The following RGPD8 variants were observed in gnomAD, a reference collection of about 807,000 sequenced individuals.
RGPD8 encodes RANBP2 like and GRIP domain containing 8.
Under a neutral mutation model 89.1 loss-of-function variants are expected in RGPD8, and 15 were observed. The ratio of observed to expected loss-of-function variants is 0.17; its 90% CI spans 0.11 to 0.26. The LOEUF is 0.26. Ranked by LOEUF, RGPD8 falls within the 10% of genes least tolerant of loss-of-function variation. RGPD8 has a pLI of 1.00. For missense variants in RGPD8, 178 were observed against 1,179.6 expected (o/e 0.15, Z 12.44); for synonymous variants, 62 against 420.9 (o/e 0.15, Z 10.44).
At chr2:112,415,685 G>C (rs1336724139) in intron 6 of RGPD8, among the ~76,000 whole-genome samples, 1 of 149,628 alleles carries the variant, frequency 6.7e-6, no homozygotes, top group African/African-American at 2.5e-5. Flanking sequence ...TGTACTCCAG[G>C]CTGGGTGACA....
intron 6 of RGPD8, among the ~76,000 whole-genome samples, chr2:112,416,081 T>C (rs1679396014): frequency 1.0e-5 from 1 of 99,206 alleles, no homozygotes. Flanking sequence ...AGAGCAAGAC[T>C]CCATCTCAAA....
intron 20 of RGPD8, among the ~76,000 whole-genome samples, chr2:112,381,989 G>C (rs557902323): frequency 6.6e-6 from 1 of 152,422 alleles, no homozygotes; most frequent in African/African-American, 2.4e-5. Context: ...ATTTGAGTCA[G>C]TGGGCTGGGG....
chr2:112,422,718 A>G, intron 2 of RGPD8, 59 bp from the exon 3 acceptor site: 1 of 604,028 alleles, frequency 1.7e-6, no homozygotes, highest in Non-Finnish European at 2.8e-6. Flanking sequence ...TTTAAATGCT[A>G]ACCGAAGAAT....
At chr2:112,428,689 A>G (rs1293911784) in intron 1 of RGPD8, among the ~76,000 whole-genome samples, 17 of 152,106 alleles carry the variant, frequency 1.1e-4, no homozygotes, top group Admixed American at 6.6e-4. Flanking sequence ...AGGGTATTCC[A>G]GGTAGACAGA....
At chr2:112,427,360 T>C (rs946849019) in intron 1 of RGPD8, among the ~76,000 whole-genome samples, 3 of 152,216 alleles carry the variant, frequency 2.0e-5, no homozygotes, top group African/African-American at 7.2e-5. Context: ...GACAAATGCC[T>C]TGTTTAAAGA....
At chr2:112,408,709 G>C (rs1157586881) in intron 7 of RGPD8, among the ~76,000 whole-genome samples, 2 of 150,198 alleles carry the variant, frequency 1.3e-5, no homozygotes, top group Non-Finnish European at 3.0e-5. Flanking sequence ...TCGCTCTGTC[G>C]CCAGGCTGGA....
chr2:112,379,596 A>C (rs1678211896), intron 21 of RGPD8, among the ~76,000 whole-genome samples: 1 of 118,930 alleles, frequency 8.4e-6, no homozygotes, highest in Non-Finnish European at 1.9e-5. Flanking sequence ...CTATCTCAAA[A>C]AAAAAAAACA....
At chr2:112,425,895 G>C (rs1219111497) in intron 1 of RGPD8, among the ~76,000 whole-genome samples, 2 of 152,040 alleles carry the variant, frequency 1.3e-5, no homozygotes, top group African/African-American at 4.8e-5. Context: ...TACCAAACCA[G>C]GTTGCCATCA....
chr2:112,433,123 C>G (rs1207540627), intron 1 of RGPD8, among the ~76,000 whole-genome samples: 45 of 117,016 alleles, frequency 3.8e-4, no homozygotes, highest in African/African-American at 1.3e-3. Flanking sequence ...CCTGACCCAT[C>G]GAGGCCGCCG....
Position 112,391,693 on chromosome 2 carries a change from T to C in RGPD8, c.2603-624A>G, listed in dbSNP as rs1302534588. 1.5e-5 allele frequency among the ~76,000 whole-genome samples: 2 copies of C among 130,906 alleles called. 1 individual carries two copies. The highest frequency in any genetic ancestry group is 3.3e-5 in the Non-Finnish European group (2 of 60,474). The allele number at this position is 130,906 out of a possible 152,430, so 85.9% of individuals were successfully genotyped here. On this transcript the variant is annotated intron_variant, in intron 18 of 22. Coordinates refer to ENST00000302558, the MANE Select transcript of RGPD8 (RefSeq NM_001164463.1). ...AAACAAAATGACTAGAAGGCACCCA[T>C]GTTAATGACAAAACTACCAATAGTC...
intron 1 of RGPD8, among the ~76,000 whole-genome samples, chr2:112,432,796 G>T (rs1434762745): frequency 1.3e-5 from 2 of 152,148 alleles, no homozygotes; most frequent in Non-Finnish European, 2.9e-5. Flanking sequence ...AAGAGCCGGC[G>T]CCAAAGGTCT....
chr2:112,432,542 C>T (rs1254698904), intron 1 of RGPD8: 2 of 985,266 alleles, frequency 2.0e-6, no homozygotes, highest in African/African-American at 3.5e-5. Flanking sequence ...TGTCACTCGA[C>T]GCAGCCGCCA....
chr2:112,395,954 AACAG>A (rs1232329529), intron 17 of RGPD8, among the ~76,000 whole-genome samples: 1 of 151,584 alleles, frequency 6.6e-6, no homozygotes, highest in Non-Finnish European at 1.5e-5. Context: ...CCCCTTACAA[AACAG>A]ACACTTAACA....
chr2:112,420,692 TG>T (rs1679540070), intron 4 of RGPD8, among the ~76,000 whole-genome samples: 1 of 113,218 alleles, frequency 8.8e-6, no homozygotes, highest in Non-Finnish European at 1.9e-5. Flanking sequence ...AACAGATTAA[TG>T]GTTGCCAGAG....
At chr2:112,430,453 G>T (rs1006951496) in intron 1 of RGPD8, among the ~76,000 whole-genome samples, 1 of 145,010 alleles carries the variant, frequency 6.9e-6, no homozygotes, top group Non-Finnish European at 1.5e-5. Context: ...AATTTGGGGG[G>T]GAAAAAAAGA....
chr2:112,422,779 C>T (rs1411731548), intron 2 of RGPD8, 120 bp from the exon 3 acceptor site: 1 of 543,590 alleles, frequency 1.8e-6, no homozygotes, highest in Admixed American at 4.0e-5. Context: ...TTACTCAAAA[C>T]TACCACTATT....
At chr2:112,432,669 G>C (rs1449279556) in intron 1 of RGPD8, 2 of 985,350 alleles carry the variant, frequency 2.0e-6, no homozygotes, top group South Asian at 4.7e-5. Context: ...CGCCGATACA[G>C]CACCCGGGTG....
chr2:112,425,482 G>A (rs1679731311), intron 1 of RGPD8, among the ~76,000 whole-genome samples: 1 of 152,082 alleles, frequency 6.6e-6, no homozygotes, highest in Admixed American at 6.6e-5. Flanking sequence ...ACACCAGGCT[G>A]GGTGCGGTGG....
At chr2:112,374,724 T>C (rs1678065020) in intron 22 of RGPD8, among the ~76,000 whole-genome samples, 2 of 134,642 alleles carry the variant, frequency 1.5e-5, no homozygotes, top group African/African-American at 5.1e-5. Flanking sequence ...ATATTATCTG[T>C]GCTGTATTCT....
Sources: gnomAD v4.1 joint callset for allele counts (sites outside exome capture counted in the v4.1 genomes callset) on GRCh38, gnomAD v4.1.1 for gene constraint, MANE v1.5 for transcripts, NCBI Gene and HGNC (gene_info 2026-07-23, HGNC 2026-07-21) for gene names.